KIF16B: variants seen among roughly 807,000 people sequenced by gnomAD.
KIF16B encodes the protein kinesin family member 16B.
Under a neutral mutation model 156.3 loss-of-function variants are expected in KIF16B, and 98 were observed. The ratio of observed to expected loss-of-function variants is 0.63; its 90% CI spans 0.53 to 0.74. The LOEUF is 0.74. Ranked by LOEUF, KIF16B falls within the 30% of genes least tolerant of loss-of-function variation. KIF16B has a pLI of 0.00. For synonymous variants in KIF16B, 564 were observed against 583.7 expected (o/e 0.97, Z 0.49); for missense variants, 1,421 against 1,606.5 (o/e 0.88, Z 1.97).
intron 22 of KIF16B, chr20:16,369,083 G>T: frequency 1.0e-6 from 1 of 985,838 alleles, no homozygotes; most frequent in Non-Finnish European, 1.2e-6. Context: ...TCCCTCTGCT[G>T]GTGAGTTCTC....
At chr20:16,406,809 T>C (rs1348524522) in intron 15 of KIF16B, among the ~76,000 whole-genome samples, 1 of 152,176 alleles carries the variant, frequency 6.6e-6, no homozygotes, top group Non-Finnish European at 1.5e-5. Context: ...AGAGATATAA[T>C]ATCAAGCAAA....
At chr20:16,454,834 C>G (rs959914538) in intron 12 of KIF16B, among the ~76,000 whole-genome samples, 4 of 152,046 alleles carry the variant, frequency 2.6e-5, no homozygotes, top group African/African-American at 9.7e-5. Context: ...ATCTTAGAAG[C>G]AATAGTACCC....
At chr20:16,486,125 C>A (rs1217173712) in intron 12 of KIF16B, among the ~76,000 whole-genome samples, 1 of 152,084 alleles carries the variant, frequency 6.6e-6, no homozygotes, top group Non-Finnish European at 1.5e-5. Flanking sequence ...GGGAGCTTTA[C>A]AGAAGAATAC....
chr20:16,339,798 GA>G (rs1229410334), intron 23 of KIF16B, among the ~76,000 whole-genome samples: 2 of 152,124 alleles, frequency 1.3e-5, no homozygotes, highest in Non-Finnish European at 2.9e-5. Flanking sequence ...AATAGAATGA[GA>G]AAATGGCCAT....
At chr20:16,398,642 T>C (rs1462560348) in intron 17 of KIF16B, among the ~76,000 whole-genome samples, 2 of 152,244 alleles carry the variant, frequency 1.3e-5, no homozygotes, top group East Asian at 3.8e-4. Context: ...TTGGTAGTGA[T>C]GGACGACAAG....
At chr20:16,560,280 T>G (rs1043066669) in intron 1 of KIF16B, among the ~76,000 whole-genome samples, 13 of 152,106 alleles carry the variant, frequency 8.5e-5, no homozygotes, top group Admixed American at 8.5e-4. Context: ...CTAGTCTCCA[T>G]CACCTAGAAT....
intron 25 of KIF16B, among the ~76,000 whole-genome samples, chr20:16,302,283 T>C (rs1316830638): frequency 6.6e-6 from 1 of 152,240 alleles, no homozygotes; most frequent in Non-Finnish European, 1.5e-5. Flanking sequence ...TAATCCAGTT[T>C]AGTTTTTGTG....
intron 25 of KIF16B, among the ~76,000 whole-genome samples, chr20:16,278,623 C>T (rs769804200): frequency 4.6e-5 from 7 of 152,122 alleles, no homozygotes; most frequent in Non-Finnish European, 7.4e-5. Context: ...TGGGTCTGTT[C>T]CAAAGAAAGT....
chr20:16,367,697 A>C, intron 22 of KIF16B: 1 of 1,612,548 alleles, frequency 6.2e-7, no homozygotes, highest in Non-Finnish European at 8.5e-7. Flanking sequence ...CCATTTGGCA[A>C]AACTAAATCA....
intron 15 of KIF16B, among the ~76,000 whole-genome samples, chr20:16,418,710 A>G (rs2066152408): frequency 6.6e-6 from 1 of 152,152 alleles, no homozygotes; most frequent in African/African-American, 2.4e-5. Flanking sequence ...TAACCCTGCC[A>G]GTTTTTGTTC....
chr20:16,367,533 G>C (rs2064702138), intron 22 of KIF16B: 1 of 1,612,816 alleles, frequency 6.2e-7, no homozygotes. Flanking sequence ...CTAGCGACTG[G>C]CACTGGTCAT....
chr20:16,573,408 T>A lies in KIF16B; in HGVS notation c.-133A>T. ...CCGCCCCTCTGCTCCCGGCCGGACC[T>A]GGAGTTCCGCGGCAGCCCCACCTGC... On this transcript the variant is annotated 5_prime_UTR_variant, in exon 1 of 26. Transcript: ENST00000354981. The A allele has an allele frequency of 6.0e-6, 6 of 1,004,422 alleles. No individual in the cohort carries two copies. Among genetic ancestry groups the A allele is most frequent in the Non-Finnish European group, 7.3e-6 (5 of 685,486 alleles). The allele number at this position is 1,004,422 out of a possible 1,614,324, so 62.2% of individuals were successfully genotyped here.
chr20:16,303,309 G>A (rs1303255743), intron 25 of KIF16B, among the ~76,000 whole-genome samples: 1 of 152,200 alleles, frequency 6.6e-6, no homozygotes, highest in Non-Finnish European at 1.5e-5. Context: ...GTTCTATAGT[G>A]TATGCTTTTA....
chr20:16,275,923 G>A (rs901487089), intron 25 of KIF16B, among the ~76,000 whole-genome samples: 6 of 152,214 alleles, frequency 3.9e-5, no homozygotes, highest in African/African-American at 1.2e-4. Flanking sequence ...GTGCACAACT[G>A]ATTGTTCTGG....
At chr20:16,524,559 C>T (rs138802247) in intron 3 of KIF16B, among the ~76,000 whole-genome samples, 1,748 of 152,238 alleles carry the variant, frequency 0.011, 16 homozygotes, top group Middle Eastern at 0.061. Context: ...GAAATAGGAA[C>T]GCTTTTACAC....
intron 17 of KIF16B, among the ~76,000 whole-genome samples, chr20:16,398,646 C>T (rs573663149): frequency 5.9e-4 from 90 of 152,238 alleles, no homozygotes; most frequent in Non-Finnish European, 7.5e-4. Context: ...TAGTGATGGA[C>T]GACAAGATTT....
chr20:16,483,872 A>G (rs2068045429), intron 12 of KIF16B, among the ~76,000 whole-genome samples: 1 of 152,150 alleles, frequency 6.6e-6, no homozygotes, highest in Non-Finnish European at 1.5e-5. Context: ...AAGGTGAGTT[A>G]AATGTGTTCC....
intron 23 of KIF16B, among the ~76,000 whole-genome samples, chr20:16,354,299 C>T (rs921697790): frequency 4.6e-5 from 7 of 152,144 alleles, no homozygotes; most frequent in African/African-American, 1.7e-4. Context: ...CGTGTACCAA[C>T]TAAAATCATT....
intron 4 of KIF16B, among the ~76,000 whole-genome samples, chr20:16,513,485 T>C (rs1025703605): frequency 3.3e-5 from 5 of 151,800 alleles, no homozygotes; most frequent in African/African-American, 1.2e-4. Context: ...ATGGTGAAAC[T>C]GTGTCTCTAC....
Sources: allele counts gnomAD v4.1 joint callset (sites outside exome capture counted in the v4.1 genomes callset), GRCh38; gene constraint gnomAD v4.1.1; transcripts MANE v1.5; gene names NCBI Gene and HGNC (gene_info 2026-07-23, HGNC 2026-07-21).